COL22A1: variants seen among roughly 807,000 people sequenced by gnomAD.
COL22A1 encodes collagen alpha-1(XXII) chain.
COL22A1 carries 221 observed loss-of-function variants against 248.9 expected under a neutral mutation model. The observed-to-expected ratio is 0.89, with a 90% CI of 0.80 to 0.99. The LOEUF (loss-of-function observed/expected upper bound fraction) is 0.99, where lower values mean the gene tolerates loss of function less well. COL22A1 is among the 50% of genes least tolerant of loss of function. The pLI is 0.00. For synonymous variants in COL22A1, 891 were observed against 793.4 expected (o/e 1.12, Z -2.07); for missense variants, 2,240 against 2,179.0 (o/e 1.03, Z -0.56).
At chr8:138,630,829 AATT>A in intron 49 of COL22A1, 81 bp from the exon 50 acceptor site, 9 of 1,212,336 alleles carry the variant, frequency 7.4e-6, no homozygotes, top group Non-Finnish European at 9.7e-6. Flanking sequence ...AATACAAAGC[AATT>A]GATATGGTTG....
intron 61 of COL22A1, 118 bp downstream of exon 61, chr8:138,598,601 C>T (rs1385043038): frequency 1.0e-6 from 1 of 988,262 alleles, no homozygotes; most frequent in Non-Finnish European, 1.5e-6. Flanking sequence ...CCAGGTCATA[C>T]CTTCAGTCAC....
chr8:138,786,701 TG>T (rs1815555469), intron 12 of COL22A1, among the ~76,000 whole-genome samples: 1 of 152,102 alleles, frequency 6.6e-6, no homozygotes, highest in African/African-American at 2.4e-5. Context: ...GTCAGGAGTT[TG>T]AGACCATCTC....
chr8:138,809,528 C>CTTTTTCTTTTTTTTTTTTTTTTTTT (rs1554633655), intron 9 of COL22A1, among the ~76,000 whole-genome samples: 125 of 117,658 alleles, frequency 1.1e-3, no homozygotes, highest in South Asian at 1.8e-3. Flanking sequence ...TTTTCTTTTT[C>CTTTTTCTTTTTTTTTTTTTTTTTTT]TTTTTTTTTT....
chr8:138,723,837 G>A (rs559115121), intron 25 of COL22A1, among the ~76,000 whole-genome samples: 54 of 152,298 alleles, frequency 3.5e-4, no homozygotes, highest in South Asian at 3.1e-3. Context: ...CCCCCTGGGC[G>A]CCTTGATCCA....
At chr8:138,715,953 T>C (rs1164523090) in intron 29 of COL22A1, among the ~76,000 whole-genome samples, 1 of 152,152 alleles carries the variant, frequency 6.6e-6, no homozygotes, top group African/African-American at 2.4e-5. Context: ...ATTTGTCCCC[T>C]GACAGATGGT....
In COL22A1 at chr8:138,811,882, G is replaced by A. The variant is rs776605688; in HGVS notation, c.1366C>T (p.Pro456Ser). 3 of 1,576,082 alleles carry A rather than the reference G, an allele frequency of 1.9e-6. No individual in the cohort carries two copies. Among genetic ancestry groups the A allele is most frequent in the Non-Finnish European group, 2.6e-6 (3 of 1,161,776 alleles). The change falls in exon 9 of 65, where the codon CCA becomes TCA. Residue 456 changes from proline to serine, a missense_variant. Transcript: ENST00000303045. ...TVVTEPPPPP[P>S]PQRPPTPGSE... ...CCTGGGGTGGGAGGCCGCTGGGGTG[G>A]GGGTGGAGGTGGAGGCTCTGTCACC...
intron 23 of COL22A1, 108 bp downstream of exon 23, chr8:138,737,416 G>T: frequency 3.8e-6 from 3 of 779,270 alleles, no homozygotes; most frequent in East Asian, 2.5e-5. Context: ...ATAGTTTGAT[G>T]AGGTGACCAG....
rs530385267 is a variant in COL22A1 at position 138,607,648 on chromosome 8, A to G, written c.4032+288T>C. ...TCTGGAAACATCAAACTTCTACCCT[A>G]CAACTTTGTTAAACATTTTTTTAAA... On this transcript the variant is annotated intron_variant, in intron 57 of 64. Transcript: ENST00000303045. 2.3e-3 allele frequency among the ~76,000 whole-genome samples: 342 copies of G among 151,918 alleles called. 1 individual carries two copies. Among genetic ancestry groups the G allele is most frequent in the African/African-American group, 8.1e-3 (334 of 41,434 alleles).
chr8:138,755,775 G>A lies in COL22A1; in HGVS notation c.1947+10C>T, dbSNP rs1394232752. 1.2e-6 allele frequency: 2 copies of A among 1,613,878 alleles called. No homozygotes were observed. The highest frequency in any genetic ancestry group is 1.7e-5 in the Admixed American group (1 of 60,018). On this transcript the variant is annotated intron_variant, in intron 19 of 64. Transcript: ENST00000303045. Reference sequence around the variant, plus strand: ...ACCTGCATCCATGATTCCAACCACTGCTGACTCACCACTGAGCCTGGTACA... The same window carrying A: ...ACCTGCATCCATGATTCCAACCACTACTGACTCACCACTGAGCCTGGTACA...
chr8:138,655,874 G>A (rs1823207789), intron 45 of COL22A1, 23 bp downstream of exon 45: 1 of 1,590,762 alleles, frequency 6.3e-7, no homozygotes, highest in African/African-American at 1.3e-5. Flanking sequence ...CAAAACACAT[G>A]CGCATTTATT....
chr8:138,799,498 G>A (rs1251317674), intron 11 of COL22A1, among the ~76,000 whole-genome samples: 9 of 152,098 alleles, frequency 5.9e-5, no homozygotes, highest in Admixed American at 5.9e-4. Context: ...TTTGCTCACT[G>A]ACTTGGCTAG....
In COL22A1 at chr8:138,593,885, A is replaced by T. The variant is rs561277054; in HGVS notation, c.4615+132T>A. 43 of 645,262 alleles carry T rather than the reference A, an allele frequency of 6.7e-5. No homozygotes were observed. In the East Asian group the frequency reaches 1.4e-3, roughly 21 times the overall value. The allele number at this position is 645,262 out of a possible 1,614,324, so 40.0% of individuals were successfully genotyped here. ...CATATGATAAAATTATATGATGCCA[A>T]AACTCTGGGTGTTACCAAGCTACAG... On this transcript the variant is annotated intron_variant, in intron 63 of 64. Transcript: ENST00000303045.
chr8:138,856,237 C>T (rs1821997899), intron 3 of COL22A1, among the ~76,000 whole-genome samples: 1 of 152,246 alleles, frequency 6.6e-6, no homozygotes, highest in South Asian at 2.1e-4. Flanking sequence ...CCTGTGTGAG[C>T]ACTCCCAACA....
chr8:138,725,809 C>T (rs892336800), intron 23 of COL22A1, among the ~76,000 whole-genome samples: 2 of 149,082 alleles, frequency 1.3e-5, no homozygotes, highest in South Asian at 4.3e-4. Context: ...ATAGTCTGAC[C>T]CATGCATAAA....
chr8:138,715,400 C>A (rs1039819298), intron 30 of COL22A1, among the ~76,000 whole-genome samples: 2 of 151,656 alleles, frequency 1.3e-5, no homozygotes, highest in Non-Finnish European at 2.9e-5. Flanking sequence ...GAAATCTCGT[C>A]TCTACTAAAA....
At chr8:138,644,455 TA>T (rs1822019124) in intron 47 of COL22A1, among the ~76,000 whole-genome samples, 1 of 151,688 alleles carries the variant, frequency 6.6e-6, no homozygotes. Flanking sequence ...GAAATAAAAA[TA>T]AAATCCTAGG....
Position 138,663,740 on chromosome 8 carries a change from C to A in COL22A1, c.3151G>T (p.Gly1051Cys), listed in dbSNP as rs1176653953. 1.9e-6 allele frequency: 3 copies of A among 1,609,700 alleles called. No homozygotes were observed. The highest frequency in any genetic ancestry group is 2.6e-6 in the Non-Finnish European group (3 of 1,176,370). ...TTGTCTCCTGGTGGTCCGGAAGGGC[C>A]CTAGAAACAAACAAACAAGTATGTA... ...DPGIGVAGPPGPSGPPGDKGS... is the reference protein window; with the variant it reads ...DPGIGVAGPPCPSGPPGDKGS... The change falls in exon 42 of 65, where the codon GGC becomes TGC. Residue 1051 changes from glycine (G) to cysteine (C), a missense_variant and splice_region_variant. Transcript: ENST00000303045.
intron 35 of COL22A1, among the ~76,000 whole-genome samples, chr8:138,692,257 C>CGCGTGCGTGTATGCATGTTTGTGGAG (rs1827096749): frequency 9.4e-5 from 1 of 10,656 alleles, no homozygotes; most frequent in African/African-American, 3.7e-4. Context: ...CGTATGTGTG[C>CGCGTGCGTGTATGCATGTTTGTGGAG]GTGTGTGCAT....
intron 5 of COL22A1, among the ~76,000 whole-genome samples, chr8:138,827,549 C>T (rs769672744): frequency 3.9e-5 from 6 of 152,108 alleles, no homozygotes; most frequent in Admixed American, 1.3e-4. Flanking sequence ...AGCACATCCT[C>T]TTCTCTCCCA....
Sources: gnomAD v4.1 joint callset for allele counts (sites outside exome capture counted in the v4.1 genomes callset) on GRCh38, gnomAD v4.1.1 for gene constraint, MANE v1.5 for transcripts, NCBI Gene and HGNC (gene_info 2026-07-23, HGNC 2026-07-21) for gene names.